Variants in TNR observed in about 807,000 individuals in gnomAD.
TNR encodes tenascin R.
A neutral mutation model predicts 150.4 loss-of-function variants in TNR; 45 were observed. The ratio of observed to expected loss-of-function variants is 0.30; its 90% confidence interval spans 0.24 to 0.38. TNR has a LOEUF of 0.38. Among genes scored for constraint, TNR ranks in the 10% least tolerant of loss-of-function variants. TNR has a pLI of 1.00. For synonymous variants in TNR, 687 were observed against 678.4 expected (o/e 1.01, Z -0.20); for missense variants, 1,544 against 1,759.1 (o/e 0.88, Z 2.19).
intron 1 of TNR, among the ~76,000 whole-genome samples, chr1:175,605,017 A>G (rs943227998): frequency 6.6e-6 from 1 of 152,232 alleles, no homozygotes; most frequent in Non-Finnish European, 1.5e-5. Context: ...GCTCATCTTT[A>G]TCCTCTCTCC....
At chr1:175,325,720 G>C (rs1026251180) in intron 21 of TNR, among the ~76,000 whole-genome samples, 2 of 152,172 alleles carry the variant, frequency 1.3e-5, no homozygotes, top group Non-Finnish European at 2.9e-5. Context: ...CCTTTGCAGG[G>C]ACATGGATGA....
In TNR at chr1:175,570,621, C is replaced by A. The variant is rs117081915; in HGVS notation, c.-164-42252G>T. Among the ~76,000 whole-genome samples, 262 of 152,048 alleles carry A rather than the reference C, an allele frequency of 1.7e-3. 4 individuals carry two copies. The East Asian group carries it at 0.042, about 25-fold the overall frequency. ...TTGAATTTATCTTTTTCTCTCTTCC[C>A]TTCTTCTTTCCTTTTTTCCTTCCAT... On this transcript the variant is annotated intron_variant, in intron 1 of 22. Coordinates refer to ENST00000367674, the MANE Select transcript of TNR (RefSeq NM_003285.3).
At chr1:175,467,412 A>G (rs1367170712) in intron 2 of TNR, among the ~76,000 whole-genome samples, 1 of 152,226 alleles carries the variant, frequency 6.6e-6, no homozygotes, top group Non-Finnish European at 1.5e-5. Context: ...CAATGAAACA[A>G]TGAACTTGAT....
intron 9 of TNR, among the ~76,000 whole-genome samples, chr1:175,378,580 C>G (rs543635914): frequency 6.6e-6 from 1 of 152,202 alleles, no homozygotes; most frequent in Non-Finnish European, 1.5e-5. Context: ...GGGGAGTAAC[C>G]TGGGAGTGGA....
chr1:175,415,507 C>T (rs1406559776), intron 2 of TNR, among the ~76,000 whole-genome samples: 5 of 152,222 alleles, frequency 3.3e-5, no homozygotes, highest in East Asian at 1.9e-4. Flanking sequence ...GGCTGCCCAA[C>T]GCCCCTGACC....
chr1:175,700,722 G>T (rs1666668458), intron 1 of TNR, among the ~76,000 whole-genome samples: 1 of 152,140 alleles, frequency 6.6e-6, no homozygotes, highest in Non-Finnish European at 1.5e-5. Context: ...GTAGAATCAG[G>T]GGCCCTCTTG....
At chr1:175,547,386 A>ACTT (rs1380457507) in intron 1 of TNR, among the ~76,000 whole-genome samples, 1 of 152,008 alleles carries the variant, frequency 6.6e-6, no homozygotes, top group African/African-American at 2.4e-5. Context: ...TATAATCTTT[A>ACTT]CTTCTCCTTA....
intron 1 of TNR, among the ~76,000 whole-genome samples, chr1:175,693,727 C>A (rs904225165): frequency 6.6e-6 from 1 of 152,208 alleles, no homozygotes; most frequent in Non-Finnish European, 1.5e-5. Flanking sequence ...ACCCTGAATG[C>A]GCCCAATCTC....
intron 1 of TNR, among the ~76,000 whole-genome samples, chr1:175,543,734 T>G (rs2102191928): frequency 6.6e-6 from 1 of 152,286 alleles, no homozygotes; most frequent in South Asian, 2.1e-4. Context: ...ATTAATGTTA[T>G]TAAAAAGGTT....
intron 14 of TNR, among the ~76,000 whole-genome samples, chr1:175,362,247 T>C (rs1362228687): frequency 6.6e-6 from 1 of 152,228 alleles, no homozygotes; most frequent in Non-Finnish European, 1.5e-5. Flanking sequence ...TGGTGGTTTC[T>C]GGCTATATCT....
At chr1:175,719,456 A>G (rs1043790678) in intron 1 of TNR, among the ~76,000 whole-genome samples, 5 of 152,220 alleles carry the variant, frequency 3.3e-5, no homozygotes, top group African/African-American at 1.2e-4. Flanking sequence ...CCCAGCTGCC[A>G]TCACCAGCTG....
chr1:175,467,370 C>G (rs1307118981), intron 2 of TNR, among the ~76,000 whole-genome samples: 1 of 152,160 alleles, frequency 6.6e-6, no homozygotes, highest in East Asian at 1.9e-4. Context: ...ACCCTCAAAC[C>G]AAGTTCAAAC....
chr1:175,337,589 C>G lies in TNR; in HGVS notation c.3473G>C (p.Gly1158Ala). Residue 1158 changes from glycine (G) to alanine (A), a missense_variant, in exon 19 of 23, where the codon GGG becomes GCG. This residue lies in a region of TNR where 290 missense variants were observed against 429.7 expected (regional missense o/e 0.67). Transcript: ENST00000367674. The part of the protein sequence containing the change: ...LSGVYPIFLN[G>A]ELSQKLQVYC... The stretch of plus-strand genomic sequence containing the variant: ...CACTTGTAATTTCTGGCTCAGCTCC[C>G]CATTGAGGAAGATGGGGTAAACCCC... The G allele has an allele frequency of 6.2e-7, 1 of 1,614,078 alleles. No individual in the cohort carries two copies. The highest frequency in any genetic ancestry group is 8.5e-7 in the Non-Finnish European group (1 of 1,180,030).
intron 1 of TNR, among the ~76,000 whole-genome samples, chr1:175,673,907 A>G (rs1665777512): frequency 6.6e-6 from 1 of 152,252 alleles, no homozygotes; most frequent in African/African-American, 2.4e-5. Flanking sequence ...ACATCGGAAG[A>G]CTTGAAGTGG....
At chr1:175,683,202 C>T (rs1318205287) in intron 1 of TNR, among the ~76,000 whole-genome samples, 1 of 152,160 alleles carries the variant, frequency 6.6e-6, no homozygotes, top group African/African-American at 2.4e-5. Flanking sequence ...ACTAACTGTG[C>T]ATGCACACAC....
At chr1:175,734,109 G>T (rs1488418209) in intron 1 of TNR, among the ~76,000 whole-genome samples, 1 of 152,168 alleles carries the variant, frequency 6.6e-6, no homozygotes, top group Non-Finnish European at 1.5e-5. Context: ...TGTTCCTGCA[G>T]CCAGCCTCAG....
intron 3 of TNR, 88 bp from the exon 4 acceptor site, chr1:175,403,704 CA>C (rs1427939549): frequency 4.7e-6 from 5 of 1,057,528 alleles, no homozygotes; most frequent in Non-Finnish European, 7.0e-6. Flanking sequence ...CCTCTCTACT[CA>C]TTCTCTGACC....
intron 2 of TNR, among the ~76,000 whole-genome samples, chr1:175,440,575 AAG>A (rs1443402216): frequency 6.6e-6 from 1 of 152,030 alleles, no homozygotes; most frequent in Non-Finnish European, 1.5e-5. Context: ...AAAAAAGAGA[AAG>A]AGAGCTCATT....
chr1:175,659,630 GCC>G (rs1291704598), intron 1 of TNR, among the ~76,000 whole-genome samples: 2 of 152,190 alleles, frequency 1.3e-5, no homozygotes, highest in Non-Finnish European at 2.9e-5. Flanking sequence ...AAGGCTCAGA[GCC>G]TCATCAAGCA....
Sources: gnomAD v4.1 joint callset for allele counts (sites outside exome capture counted in the v4.1 genomes callset) on GRCh38, gnomAD v4.1.1 for gene constraint, gnomAD v4.1.1 regional missense constraint, MANE v1.5 for transcripts, NCBI Gene and HGNC (gene_info 2026-07-23, HGNC 2026-07-21) for gene names.